The following RSF1 variants were observed in gnomAD, a reference collection of about 807,000 sequenced individuals.
RSF1 encodes the protein HBV pX-associated protein 8.
A neutral mutation model predicts 145.2 loss-of-function variants in RSF1; 13 were observed. That is an observed-to-expected ratio of 0.09 (90% CI 0.06 to 0.14). RSF1 has a LOEUF of 0.14. Ranked by LOEUF, RSF1 falls within the 10% of genes least tolerant of loss-of-function variation. RSF1 has a pLI of 1.00. For synonymous variants in RSF1, 577 were observed against 592.6 expected, an observed-to-expected ratio of 0.97 and a Z score of 0.38; for missense variants, 1,517 against 1,718.2, an observed-to-expected ratio of 0.88 and a Z score of 2.07.
At chr11:77,757,818 G>T (rs1319314396) in intron 2 of RSF1, among the ~76,000 whole-genome samples, 5 of 152,190 alleles carry the variant, frequency 3.3e-5, no homozygotes, top group Admixed American at 3.3e-4. Context: ...CTTGAGCTAC[G>T]CTGTGGCAGA....
chr11:77,789,348 C>T (rs1301805148), intron 1 of RSF1, among the ~76,000 whole-genome samples: 1 of 152,212 alleles, frequency 6.6e-6, no homozygotes, highest in Non-Finnish European at 1.5e-5. Flanking sequence ...ACCTAGGCAG[C>T]TATAGCAAGG....
chr11:77,736,024 G>A (rs1328963552), intron 4 of RSF1, among the ~76,000 whole-genome samples: 1 of 152,250 alleles, frequency 6.6e-6, no homozygotes, highest in Non-Finnish European at 1.5e-5. Flanking sequence ...GGTGTGAGCC[G>A]CCGCACCCGG....
At position 77,662,037 on chromosome 11, in the gene RSF1, T is replaced by G. The variant is rs146283093; in HGVS notation, c.*4880A>C. 427 of 152,216 alleles carry G rather than the reference T, an allele frequency of 2.8e-3. 5 individuals are homozygous for G. Among genetic ancestry groups the G allele is most frequent in the African/African-American group, 9.9e-3 (411 of 41,542 alleles). The allele number at this position is 152,216 out of a possible 1,614,324, so 9.4% of individuals were successfully genotyped here. ...CCAGTGGCAAAAAGCACGAGGCAAG[T>G]ATTCAGTCCTTAGCACACTTTCTAA... On this transcript the variant is annotated 3_prime_UTR_variant, in exon 16 of 16. Coordinates refer to ENST00000308488, the MANE Select transcript of RSF1 (RefSeq NM_016578.4).
chr11:77,677,954 A>T, intron 12 of RSF1, 132 bp downstream of exon 12: 1 of 595,486 alleles, frequency 1.7e-6, no homozygotes. Flanking sequence ...AATCTGAGAC[A>T]ACTAACATCA....
chr11:77,734,725 A>T lies in RSF1; in HGVS notation c.578+6006T>A, dbSNP rs575295570. ...TTTTTCCAAATGTAATGCACACTCCATCACATTCAGCCCGCTCTCCCAGTC... is the reference window on the plus strand; with the variant it reads ...TTTTTCCAAATGTAATGCACACTCCTTCACATTCAGCCCGCTCTCCCAGTC... On this transcript the variant is annotated intron_variant, in intron 4 of 15. Coordinates refer to ENST00000308488, the MANE Select transcript of RSF1 (RefSeq NM_016578.4). 18 of 1,462,082 alleles carry T rather than the reference A, an allele frequency of 1.2e-5. No homozygotes were observed. In the South Asian group the frequency reaches 1.9e-4, roughly 16 times the overall value. The allele number at this position is 1,462,082 out of a possible 1,614,324, so 90.6% of individuals were successfully genotyped here. A position where few individuals can be genotyped will look rare whatever the true frequency, so the allele number is the denominator to read the frequency against.
At chr11:77,857,107 C>T in the RSF1 span, among the ~76,000 whole-genome samples, 101 of 152,300 alleles carry the variant, frequency 6.6e-4, no homozygotes, top group Admixed American at 1.0e-3. Flanking sequence ...TGCTTACTGG[C>T]GTTGTCTTTA....
chr11:77,672,005 T>C, intron 15 of RSF1, 37 bp downstream of exon 15: 2 of 1,531,028 alleles, frequency 1.3e-6, no homozygotes, highest in Non-Finnish European at 1.8e-6. Flanking sequence ...TATTTTGCCC[T>C]GTCCAAACTT....
intron 1 of RSF1, among the ~76,000 whole-genome samples, chr11:77,804,191 C>T (rs1948654714): frequency 6.6e-6 from 1 of 152,216 alleles, no homozygotes; most frequent in South Asian, 2.1e-4. Context: ...GCATCCAGGA[C>T]CCTTCCAGAC....
intron 1 of RSF1, among the ~76,000 whole-genome samples, chr11:77,773,083 T>C (rs1261312991): frequency 2.0e-5 from 3 of 152,188 alleles, no homozygotes; most frequent in Admixed American, 2.0e-4. Flanking sequence ...CCCTGTCAAA[T>C]AGTTACTGTG....
the RSF1 span, among the ~76,000 whole-genome samples, chr11:77,827,054 G>A: frequency 4.6e-5 from 7 of 151,996 alleles, no homozygotes; most frequent in African/African-American, 1.7e-4. Context: ...GCAGTGAGCT[G>A]AGATGGGGCC....
At chr11:77,854,187 T>G in the RSF1 span, among the ~76,000 whole-genome samples, 1 of 151,562 alleles carries the variant, frequency 6.6e-6, no homozygotes, top group Admixed American at 6.6e-5. Context: ...AGAGACGGGG[T>G]TTCATCGTGT....
chr11:77,791,099 A>G (rs1252421357), intron 1 of RSF1, among the ~76,000 whole-genome samples: 1 of 152,208 alleles, frequency 6.6e-6, no homozygotes, highest in East Asian at 1.9e-4. Flanking sequence ...CACCCACTCC[A>G]TGAGGACCCT....
At chr11:77,757,515 T>C (rs1020810112) in intron 2 of RSF1, among the ~76,000 whole-genome samples, 1 of 151,822 alleles carries the variant, frequency 6.6e-6, no homozygotes, top group Non-Finnish European at 1.5e-5. Context: ...CCGTCTCTAC[T>C]AAAAATACAA....
chr11:77,734,509 T>C (rs1961289674), intron 4 of RSF1: 2 of 1,588,470 alleles, frequency 1.3e-6, no homozygotes, highest in South Asian at 1.1e-5. Flanking sequence ...CAGGGTGTGC[T>C]TGTCAAAGAG....
chr11:77,777,687 CA>C (rs1479723971), intron 1 of RSF1, among the ~76,000 whole-genome samples: 2 of 151,946 alleles, frequency 1.3e-5, no homozygotes, highest in Non-Finnish European at 2.9e-5. Context: ...AGAGTTCCAC[CA>C]AAAGAACTGA....
intron 3 of RSF1, among the ~76,000 whole-genome samples, chr11:77,741,615 C>T (rs187659173): frequency 2.3e-3 from 345 of 152,062 alleles, no homozygotes; most frequent in African/African-American, 7.9e-3. Context: ...TTATGGTATA[C>T]ACCATGGTAT....
chr11:77,783,430 A>G (rs1275953654), intron 1 of RSF1, among the ~76,000 whole-genome samples: 1 of 152,214 alleles, frequency 6.6e-6, no homozygotes, highest in Non-Finnish European at 1.5e-5. Context: ...TGGCTAGCTC[A>G]TAACATATTC....
chr11:77,698,654 T>C lies in RSF1; in HGVS notation c.2548A>G (p.Thr850Ala). Reference sequence around the variant, plus strand: ...CTGGAATATTTCCATCTGCCACGTGTCCGAGAACCAGTCCATCGAACTTTG... The same window carrying C: ...CTGGAATATTTCCATCTGCCACGTGCCCGAGAACCAGTCCATCGAACTTTG... ...KGKVRWTGSR[T>A]RGRWKYSSND... is the part of the protein sequence containing the mutation. The change falls in exon 7 of 16, where the codon ACA (threonine) becomes GCA (alanine). Residue 850 changes from threonine (T) to alanine (A), a missense_variant. Physicochemically the swap from Thr to Ala is moderately conservative, Grantham distance 58. Coordinates refer to ENST00000308488, the MANE Select transcript of RSF1 (RefSeq NM_016578.4). 2 of 1,614,174 alleles carry C rather than the reference T, an allele frequency of 1.2e-6. No individual in the cohort carries two copies. Among genetic ancestry groups the C allele is most frequent in the Non-Finnish European group, 1.7e-6 (2 of 1,180,020 alleles).
chr11:77,785,061 C>T (rs1948440915), intron 1 of RSF1, among the ~76,000 whole-genome samples: 1 of 150,648 alleles, frequency 6.6e-6, no homozygotes, highest in African/African-American at 2.5e-5. Context: ...TCATTAGATT[C>T]TCTCTCTCTG....
Sources: gnomAD v4.1 joint callset for allele counts (sites outside exome capture counted in the v4.1 genomes callset) on GRCh38, gnomAD v4.1.1 for gene constraint, MANE v1.5 for transcripts, NCBI Gene and HGNC (gene_info 2026-07-23, HGNC 2026-07-21) for gene names.